MEI4: variants seen among roughly 807,000 people sequenced by gnomAD.
MEI4 encodes the protein meiosis-specific protein MEI4.
A neutral mutation model predicts 31.4 loss-of-function variants in MEI4; 27 were observed. The ratio of observed to expected loss-of-function variants is 0.86; its 90% CI spans 0.63 to 1.19. The LOEUF is 1.19. Among genes scored for constraint, MEI4 ranks in the 50% most tolerant of loss-of-function variants. The probability of loss-of-function intolerance (pLI) is 0.00; values close to 1 mark genes in which losing one functional copy is unlikely to be tolerated. For synonymous variants in MEI4, 122 were observed against 145.4 expected (o/e 0.84, Z 1.16); for missense variants, 329 against 398.9 (o/e 0.82, Z 1.49).
intron 2 of MEI4, among the ~76,000 whole-genome samples, chr6:77,730,405 T>C (rs773761780): frequency 2.6e-5 from 4 of 152,068 alleles, no homozygotes; most frequent in Non-Finnish European, 5.9e-5. Flanking sequence ...ATCCTGACAC[T>C]TCCTGTTTGT....
At position 77,742,172 on chromosome 6, in the gene MEI4, T is replaced by A. The variant is rs1767426247; in HGVS notation, c.233-18958T>A. On this transcript the variant is annotated intron_variant, in intron 2 of 4. Coordinates refer to ENST00000684080, the MANE Select transcript of MEI4 (RefSeq NM_001322247.2). ...GGCTGGGTCAAATGGTATTTCTAGT[T>A]CTAGATCCCTGAGGAATCGCCACAC... Among the ~76,000 whole-genome samples the A allele has an allele frequency of 1.3e-5, 2 of 151,980 alleles. 1 individual carries two copies. The highest frequency in any genetic ancestry group is 4.8e-5 in the African/African-American group (2 of 41,364).
intron 2 of MEI4, among the ~76,000 whole-genome samples, chr6:77,735,017 T>C (rs956699904): frequency 1.2e-4 from 19 of 152,220 alleles, no homozygotes; most frequent in African/African-American, 4.1e-4. Flanking sequence ...GTTAGTCTGA[T>C]GGGCTTCCCC....
At chr6:77,854,367 A>G (rs1016249856) in intron 4 of MEI4, among the ~76,000 whole-genome samples, 3 of 151,574 alleles carry the variant, frequency 2.0e-5, no homozygotes, top group African/African-American at 7.3e-5. Context: ...AATAGAAAAA[A>G]TGAATAATGT....
chr6:77,810,241 T>C (rs1220794048), intron 3 of MEI4, among the ~76,000 whole-genome samples: 3 of 152,202 alleles, frequency 2.0e-5, no homozygotes, highest in African/African-American at 4.8e-5. Context: ...CAGCATTTTC[T>C]GGTGCCAAGT....
chr6:77,650,597 A>G (rs1177089483), upstream of MEI4, among the ~76,000 whole-genome samples: 1 of 152,154 alleles, frequency 6.6e-6, no homozygotes, highest in African/African-American at 2.4e-5. Context: ...CGGGCCCTGC[A>G]CAGCTTTCCA....
At chr6:77,765,420 TTTA>T (rs778994225) in intron 3 of MEI4, among the ~76,000 whole-genome samples, 89 of 151,842 alleles carry the variant, frequency 5.9e-4, no homozygotes, top group Admixed American at 1.6e-3. Context: ...TTTTTTAAAT[TTTA>T]TTATTATTAT....
chr6:77,682,182 G>A (rs1562204078), intron 1 of MEI4, among the ~76,000 whole-genome samples: 1 of 152,152 alleles, frequency 6.6e-6, no homozygotes, highest in Admixed American at 6.5e-5. Flanking sequence ...TCACCATCAT[G>A]ATACATGAGG....
intron 1 of MEI4, among the ~76,000 whole-genome samples, chr6:77,680,433 T>C (rs1424413439): frequency 6.6e-6 from 1 of 152,136 alleles, no homozygotes; most frequent in African/African-American, 2.4e-5. Context: ...TGAAAGTAGA[T>C]TGAATCTGTT....
intron 2 of MEI4, among the ~76,000 whole-genome samples, chr6:77,693,549 C>G (rs1384205705): frequency 1.3e-5 from 2 of 151,994 alleles, no homozygotes; most frequent in Non-Finnish European, 2.9e-5. Flanking sequence ...TAATTAAAGT[C>G]AGTTTTACTC....
At chr6:77,712,097 A>C (rs891428599) in intron 2 of MEI4, among the ~76,000 whole-genome samples, 1 of 152,214 alleles carries the variant, frequency 6.6e-6, no homozygotes, top group African/African-American at 2.4e-5. Context: ...GAACATTTGC[A>C]AGAAACCCTG....
intron 2 of MEI4, among the ~76,000 whole-genome samples, chr6:77,740,458 A>T (rs1189401605): frequency 6.6e-6 from 1 of 152,114 alleles, no homozygotes; most frequent in Non-Finnish European, 1.5e-5. Context: ...CTTTGTCACC[A>T]TTTCTCAAAA....
chr6:77,810,762 T>A (rs529259191), intron 3 of MEI4, among the ~76,000 whole-genome samples: 37 of 152,326 alleles, frequency 2.4e-4, no homozygotes, highest in African/African-American at 8.9e-4. Context: ...TACAAGGAAG[T>A]ATTCAAAAAT....
chr6:77,873,214 C>T (rs1223708066), intron 4 of MEI4, among the ~76,000 whole-genome samples: 1 of 152,204 alleles, frequency 6.6e-6, no homozygotes, highest in African/African-American at 2.4e-5. Flanking sequence ...TTTACAGTCC[C>T]ACCAACAGTG....
chr6:77,699,484 G>A (rs192393611), intron 2 of MEI4, among the ~76,000 whole-genome samples: 216 of 152,196 alleles, frequency 1.4e-3, no homozygotes, highest in African/African-American at 4.9e-3. Flanking sequence ...GAGCCACCGC[G>A]CCCGGCCCAA....
At chr6:77,791,556 A>G (rs1768933787) in intron 3 of MEI4, among the ~76,000 whole-genome samples, 1 of 147,864 alleles carries the variant, frequency 6.8e-6, no homozygotes, top group South Asian at 2.2e-4. Flanking sequence ...GGAGAGGGAT[A>G]GCATTGGGAG....
intron 2 of MEI4, chr6:77,716,912 T>A: frequency 2.1e-6 from 2 of 953,198 alleles, no homozygotes; most frequent in Non-Finnish European, 2.5e-6. Flanking sequence ...GGTCACTTGC[T>A]TACTCACAGC....
At position 77,926,337 on chromosome 6, in the gene MEI4, T is replaced by G. The variant is rs1197233164; in HGVS notation, c.*2991T>G. On this transcript the variant is annotated 3_prime_UTR_variant, in exon 5 of 5. Coordinates refer to ENST00000684080, the MANE Select transcript of MEI4 (RefSeq NM_001322247.2). ...TTTCAGGGTTGTAGCATCTTGCTAC[T>G]CAAGACTGTAGCCAAGTTACAGATT... The G allele has an allele frequency of 6.6e-6, 1 of 151,954 alleles. No individual in the cohort carries two copies. Among genetic ancestry groups the G allele is most frequent in the Non-Finnish European group, 1.5e-5 (1 of 67,936 alleles). The allele number at this position is 151,954 out of a possible 1,614,324, so 9.4% of individuals were successfully genotyped here.
intron 4 of MEI4, among the ~76,000 whole-genome samples, chr6:77,915,658 CTTCT>C (rs1562037502): frequency 2.0e-5 from 3 of 151,742 alleles, no homozygotes; most frequent in African/African-American, 7.3e-5. Context: ...ATTGTTATAT[CTTCT>C]TTCTAATTGG....
intron 4 of MEI4, among the ~76,000 whole-genome samples, chr6:77,868,690 A>G (rs1221094736): frequency 6.6e-6 from 1 of 151,630 alleles, no homozygotes; most frequent in African/African-American, 2.4e-5. Flanking sequence ...GAAGGTAAGA[A>G]GCCATATCTA....
Sources: allele counts gnomAD v4.1 joint callset (sites outside exome capture counted in the v4.1 genomes callset), GRCh38; gene constraint gnomAD v4.1.1; transcripts MANE v1.5; gene names NCBI Gene and HGNC (gene_info 2026-07-23, HGNC 2026-07-21).